The following PATL2 variants were observed in gnomAD, a reference collection of about 807,000 sequenced individuals.
PATL2 encodes PAT1 homolog 2.
PATL2 carries 73 observed loss-of-function variants against 77.0 expected under a neutral mutation model. That is an observed-to-expected ratio of 0.95 (90% CI 0.78 to 1.15). The LOEUF is 1.15. Among genes scored for constraint, PATL2 ranks in the 50% most tolerant of loss-of-function variants. The pLI is 0.00. For missense variants in PATL2, 618 were observed against 655.4 expected, an observed-to-expected ratio of 0.94 and a Z score of 0.62; for synonymous variants, 265 against 257.1, an observed-to-expected ratio of 1.03 and a Z score of -0.29.
At chr15:44,673,525 T>C (rs568885054) in intron 6 of PATL2, 148 bp from the exon 7 acceptor site, 20 of 1,029,384 alleles carry the variant, frequency 1.9e-5, no homozygotes, top group African/African-American at 1.9e-4. Context: ...CAAGGCAGCT[T>C]TGGGGGCACC....
At chr15:44,710,760 C>T (rs1202393909) in intron 2 of PATL2, among the ~76,000 whole-genome samples, 111 bp downstream of exon 2, 1 of 152,108 alleles carries the variant, frequency 6.6e-6, no homozygotes, top group Non-Finnish European at 1.5e-5. Flanking sequence ...GAATGATGTA[C>T]CTAGAGGGCG....
intron 3 of PATL2, among the ~76,000 whole-genome samples, chr15:44,682,010 C>A (rs767796624): frequency 1.3e-5 from 2 of 152,230 alleles, no homozygotes; most frequent in Non-Finnish European, 2.9e-5. Flanking sequence ...TGTCCCTACA[C>A]TGGAGACCTC....
chr15:44,696,237 T>C (rs1242180715), intron 3 of PATL2, among the ~76,000 whole-genome samples: 1 of 152,174 alleles, frequency 6.6e-6, no homozygotes, highest in East Asian at 1.9e-4. Flanking sequence ...ATTTAGTAAC[T>C]GGGTATAATC....
intron 9 of PATL2, among the ~76,000 whole-genome samples, chr15:44,671,718 G>C (rs888001885): frequency 6.6e-6 from 1 of 152,184 alleles, no homozygotes; most frequent in Non-Finnish European, 1.5e-5. Flanking sequence ...AGCATACACA[G>C]GTGGGAAAAT....
At chr15:44,687,591 C>T (rs1420463954) in intron 3 of PATL2, among the ~76,000 whole-genome samples, 1 of 152,118 alleles carries the variant, frequency 6.6e-6, no homozygotes, top group Non-Finnish European at 1.5e-5. Context: ...AAAGGGTATT[C>T]AAATAGGAAG....
At chr15:44,679,530 T>A (rs895163409) in intron 3 of PATL2, among the ~76,000 whole-genome samples, 3 of 141,478 alleles carry the variant, frequency 2.1e-5, no homozygotes, top group African/African-American at 5.0e-5. Context: ...GCCTGGCCAA[T>A]TTTTTTTTTC....
intron 12 of PATL2, 41 bp from the exon 13 acceptor site, chr15:44,669,454 A>G (rs944172972): frequency 3.0e-5 from 46 of 1,548,882 alleles, no homozygotes; most frequent in Middle Eastern, 1.7e-4. Flanking sequence ...AATTTGGGTA[A>G]TATCTCATTC....
intron 3 of PATL2, among the ~76,000 whole-genome samples, chr15:44,693,082 C>T (rs1272637748): frequency 6.6e-6 from 1 of 152,172 alleles, no homozygotes; most frequent in Non-Finnish European, 1.5e-5. Context: ...CCTAGTTAAC[C>T]AAGAGGTAAA....
At chr15:44,705,811 G>GTTTTTTTTTTTTTTTTTTTTTTTTTTT (rs371254036) in intron 3 of PATL2, among the ~76,000 whole-genome samples, 1 of 135,394 alleles carries the variant, frequency 7.4e-6, no homozygotes. Context: ...TCAAAACATT[G>GTTTTTTTTTTTTTTTTTTTTTTTTTTT]TTTTTTTTTA....
intron 14 of PATL2, among the ~76,000 whole-genome samples, 175 bp from the exon 15 acceptor site, chr15:44,668,657 A>G (rs1249561734): frequency 2.6e-5 from 4 of 152,018 alleles, no homozygotes; most frequent in African/African-American, 4.8e-5. Flanking sequence ...TTCGGTACCT[A>G]CTTGTCCTAG....
chr15:44,666,802 G>A (rs1465853454), intron 16 of PATL2: 2 of 519,430 alleles, frequency 3.9e-6, no homozygotes, highest in East Asian at 3.2e-5. Context: ...ACTAAGAGAA[G>A]TGAGAAGTGA....
At chr15:44,667,990 A>AC (rs924548353) in intron 15 of PATL2, among the ~76,000 whole-genome samples, 1 of 152,224 alleles carries the variant, frequency 6.6e-6, no homozygotes, top group African/African-American at 2.4e-5. Context: ...TACTAGTGTT[A>AC]CATGTATTTG....
At chr15:44,701,052 G>A (rs1413441105) in intron 3 of PATL2, among the ~76,000 whole-genome samples, 1 of 151,016 alleles carries the variant, frequency 6.6e-6, no homozygotes. Context: ...TCATTCTGTT[G>A]ATATGATATA....
intron 16 of PATL2, chr15:44,666,901 A>G: frequency 1.8e-6 from 1 of 541,704 alleles, no homozygotes; most frequent in South Asian, 2.6e-5. Context: ...TTGTCCCCTT[A>G]GGTACTATGT....
rs148241493 is a variant in PATL2, at chr15:44,680,449, A to G, written c.-75-3884T>C. On this transcript the variant is annotated intron_variant, in intron 3 of 17. Coordinates refer to ENST00000682850, the MANE Select transcript of PATL2 (RefSeq NM_001387263.1). ...AGGCCATTGGGGCTGATCCACTTCA[A>G]TTCATACTTGGAGGAAATTATACAC... Among the ~76,000 whole-genome samples, 837 of 152,138 alleles carry G rather than the reference A, an allele frequency of 5.5e-3. 7 individuals are homozygous for G. Among genetic ancestry groups the G allele is most frequent in the African/African-American group, 0.02 (812 of 41,508 alleles).
Position 44,672,092 on chromosome 15 carries a change from C to A in PATL2, c.580G>T (p.Glu194Ter). 6.4e-7 allele frequency: 1 copy of A among 1,551,728 alleles called. No individual in the cohort carries two copies. Among genetic ancestry groups the A allele is most frequent in the South Asian group, 1.2e-5 (1 of 84,068 alleles). The change falls in exon 9 of 18, where the codon GAG becomes TAG. Residue 194 changes from glutamate (E) to a stop codon, truncating the protein, a stop_gained. Coordinates refer to ENST00000682850, the MANE Select transcript of PATL2 (RefSeq NM_001387263.1). LOFTEE classifies it high-confidence loss of function. ...TGCACTTTTATCACCCAGTCCTTCT[C>A]TTTTCTGGTCATGAGGTTAGCATAG... Reference protein sequence around the residue: ...DPYANLMTRKEKDWVIKVQMV... With the variant: ...DPYANLMTRK
chr15:44,667,380 C>T, intron 15 of PATL2, 177 bp from the exon 16 acceptor site: 2 of 573,468 alleles, frequency 3.5e-6, no homozygotes, highest in South Asian at 4.2e-5. Flanking sequence ...CTAACCCTTT[C>T]CATAGGAATC....
chr15:44,675,439 A>G, intron 5 of PATL2, 47 bp downstream of exon 5: 1 of 1,519,354 alleles, frequency 6.6e-7, no homozygotes, highest in Middle Eastern at 1.7e-4. Flanking sequence ...CCTGTGAGCC[A>G]CAGACAGTTC....
At chr15:44,700,801 G>GGTT (rs1450653446) in intron 3 of PATL2, among the ~76,000 whole-genome samples, 6 of 152,054 alleles carry the variant, frequency 3.9e-5, no homozygotes, top group Non-Finnish European at 7.4e-5. Context: ...TTCCAGTACT[G>GGTT]TTTTGAATAA....
Sources: gnomAD v4.1 joint callset for allele counts (sites outside exome capture counted in the v4.1 genomes callset) on GRCh38, gnomAD v4.1.1 for gene constraint, MANE v1.5 for transcripts, NCBI Gene and HGNC (gene_info 2026-07-23, HGNC 2026-07-21) for gene names.